Variants in KCNG3 observed in about 807,000 individuals in gnomAD.
KCNG3 encodes voltage-gated potassium channel regulatory subunit KCNG3.
A neutral mutation model predicts 29.0 loss-of-function variants in KCNG3; 15 were observed. The ratio of observed to expected loss-of-function variants is 0.52; its 90% CI spans 0.35 to 0.80. The LOEUF is 0.80. KCNG3 is among the 30% of genes least tolerant of loss of function. KCNG3 has a pLI of 0.01. For synonymous variants in KCNG3, 322 were observed against 248.9 expected, an observed-to-expected ratio of 1.29 and a Z score of -2.76; for missense variants, 512 against 605.7, an observed-to-expected ratio of 0.85 and a Z score of 1.62.
At chr2:42,461,117 C>A (rs1233629500) in intron 1 of KCNG3, among the ~76,000 whole-genome samples, 6 of 147,580 alleles carry the variant, frequency 4.1e-5, no homozygotes. Context: ...GCCGAGATCA[C>A]GCCACTGCAC....
At chr2:42,433,920 G>C in the KCNG3 span, among the ~76,000 whole-genome samples, 6 of 151,950 alleles carry the variant, frequency 3.9e-5, no homozygotes, top group Non-Finnish European at 7.4e-5. Context: ...AACTACTTTG[G>C]GAATAAGTTA....
intron 1 of KCNG3, among the ~76,000 whole-genome samples, chr2:42,454,770 G>A (rs372802105): frequency 3.3e-5 from 5 of 151,730 alleles, no homozygotes; most frequent in Admixed American, 6.6e-5. Context: ...AAGACATTAC[G>A]TTAAGTGAAA....
the KCNG3 span, among the ~76,000 whole-genome samples, chr2:42,396,465 C>A: frequency 6.6e-6 from 1 of 152,108 alleles, no homozygotes; most frequent in Admixed American, 6.5e-5. Context: ...AAAAGTCCAA[C>A]CAACCAAAAA....
chr2:42,474,971 G>A (rs1673387046), intron 1 of KCNG3, among the ~76,000 whole-genome samples: 1 of 152,010 alleles, frequency 6.6e-6, no homozygotes, highest in South Asian at 2.1e-4. Flanking sequence ...GCTACACAAG[G>A]GCAAGGAAGC....
chr2:42,493,378 G>C lies in KCNG3; in HGVS notation c.124C>G (p.Arg42Gly). The change falls in exon 1 of 2, where the codon CGC becomes GGC. Residue 42 changes from arginine to glycine, a missense_variant. Physicochemically the swap from Arg to Gly is moderately radical, Grantham distance 125 (BLOSUM62 -2). Transcript: ENST00000306078. ...LRRVSRLHGC[R>G]SERDVLEVCD... ...ACCTCGAGCACGTCGCGCTCGGAGC[G>C]GCAGCCGTGCAGCCGGCTCACGCGG... 3 of 1,551,866 alleles carry C rather than the reference G, an allele frequency of 1.9e-6. No homozygotes were observed. Among genetic ancestry groups the C allele is most frequent in the Non-Finnish European group, 2.6e-6 (3 of 1,149,388 alleles).
chr2:42,404,763 T>C, the KCNG3 span, among the ~76,000 whole-genome samples: 2 of 152,082 alleles, frequency 1.3e-5, no homozygotes, highest in African/African-American at 4.8e-5. Context: ...AACCAGATGC[T>C]GCCACTGGGG....
intron 1 of KCNG3, among the ~76,000 whole-genome samples, chr2:42,459,499 T>G (rs1672963449): frequency 6.6e-6 from 1 of 152,190 alleles, no homozygotes; most frequent in Admixed American, 6.5e-5. Flanking sequence ...GATGATGCAA[T>G]GTCCTCAAGT....
chr2:42,484,572 G>C (rs974030137), intron 1 of KCNG3, among the ~76,000 whole-genome samples: 1 of 152,228 alleles, frequency 6.6e-6, no homozygotes, highest in Non-Finnish European at 1.5e-5. Context: ...ACGCACATGT[G>C]TATATATGTT....
At chr2:42,434,028 T>C in the KCNG3 span, among the ~76,000 whole-genome samples, 4 of 152,216 alleles carry the variant, frequency 2.6e-5, no homozygotes, top group Non-Finnish European at 5.9e-5. Flanking sequence ...CTCATATTCA[T>C]AGATTAGAAG....
At chr2:42,478,070 T>C (rs891640877) in intron 1 of KCNG3, among the ~76,000 whole-genome samples, 2 of 152,040 alleles carry the variant, frequency 1.3e-5, no homozygotes, top group Admixed American at 1.3e-4. Flanking sequence ...GGCCTACTTG[T>C]TATAGGTGTC....
At chr2:42,449,369 C>T (rs1006344758) in intron 1 of KCNG3, among the ~76,000 whole-genome samples, 3 of 151,848 alleles carry the variant, frequency 2.0e-5, no homozygotes, top group Admixed American at 6.6e-5. Context: ...CACAGCCATG[C>T]TCACTCATTT....
At chr2:42,430,539 C>T in the KCNG3 span, among the ~76,000 whole-genome samples, 11 of 150,392 alleles carry the variant, frequency 7.3e-5, no homozygotes, top group African/African-American at 2.7e-4. Flanking sequence ...CACTTGGGCC[C>T]GGGAGGTTTG....
the KCNG3 span, among the ~76,000 whole-genome samples, chr2:42,428,459 G>GAAAAAA: frequency 2.4e-5 from 3 of 123,666 alleles, no homozygotes; most frequent in Admixed American, 9.6e-5. Flanking sequence ...CCGGTCTCGG[G>GAAAAAA]AAAAAAAAAA....
At chr2:42,434,620 C>G in the KCNG3 span, among the ~76,000 whole-genome samples, 1 of 140,950 alleles carries the variant, frequency 7.1e-6, no homozygotes, top group Non-Finnish European at 1.5e-5. Context: ...GAGCCGAGAT[C>G]GCACCGCTTC....
intron 1 of KCNG3, among the ~76,000 whole-genome samples, chr2:42,459,199 C>CAAA (rs557483168): frequency 1.2e-4 from 16 of 129,674 alleles, no homozygotes; most frequent in South Asian, 5.0e-4. Flanking sequence ...TCCATCGTCT[C>CAAA]AAAAAAAAAA....
At chr2:42,402,968 T>C in the KCNG3 span, among the ~76,000 whole-genome samples, 1 of 152,240 alleles carries the variant, frequency 6.6e-6, no homozygotes, top group Non-Finnish European at 1.5e-5. Flanking sequence ...TATAGATCAA[T>C]TTGGGCAGAA....
At chr2:42,475,722 A>C (rs1376165982) in intron 1 of KCNG3, among the ~76,000 whole-genome samples, 1 of 152,088 alleles carries the variant, frequency 6.6e-6, no homozygotes, top group East Asian at 1.9e-4. Context: ...TCCAAGTATT[A>C]ATAGGATGCA....
chr2:42,411,485 A>AC, the KCNG3 span, among the ~76,000 whole-genome samples: 85 of 150,922 alleles, frequency 5.6e-4, no homozygotes, highest in African/African-American at 2.0e-3. Flanking sequence ...CATGTCTTAT[A>AC]TTTTTTTTTG....
the KCNG3 span, among the ~76,000 whole-genome samples, chr2:42,418,200 C>A: frequency 6.6e-6 from 1 of 152,042 alleles, no homozygotes; most frequent in Admixed American, 6.6e-5. Flanking sequence ...TGGAATCATA[C>A]AATGTTTGTC....
Sources: allele counts gnomAD v4.1 joint callset (sites outside exome capture counted in the v4.1 genomes callset), GRCh38; gene constraint gnomAD v4.1.1; transcripts MANE v1.5; gene names NCBI Gene and HGNC (gene_info 2026-07-23, HGNC 2026-07-21).